The following ARB2A variants were observed in gnomAD, a reference collection of about 807,000 sequenced individuals.
ARB2A encodes the protein ARB2 cotranscriptional regulator A.
the ARB2A span, among the ~76,000 whole-genome samples, chr5:93,889,061 T>C: frequency 1.2e-3 from 181 of 151,730 alleles, 1 homozygote; most frequent in African/African-American, 4.3e-3. Context: ...CATATACAAA[T>C]TCCTAAAATG....
the ARB2A span, among the ~76,000 whole-genome samples, chr5:93,725,486 T>TTTATGCATAAA: frequency 6.6e-6 from 1 of 152,088 alleles, no homozygotes; most frequent in Admixed American, 6.6e-5. Flanking sequence ...ATAAACATAA[T>TTTATGCATAAA]TTATGCATAA....
chr5:93,898,310 A>G, the ARB2A span, among the ~76,000 whole-genome samples: 1 of 151,822 alleles, frequency 6.6e-6, no homozygotes, highest in African/African-American at 2.4e-5. Flanking sequence ...TGTGTAAATT[A>G]TTTAACAATT....
the ARB2A span, among the ~76,000 whole-genome samples, chr5:93,753,159 C>G: frequency 6.6e-6 from 1 of 152,132 alleles, no homozygotes; most frequent in East Asian, 1.9e-4. Context: ...TTAATTTGAG[C>G]TATGTCTAAA....
At chr5:93,888,604 C>T in the ARB2A span, among the ~76,000 whole-genome samples, 1 of 151,762 alleles carries the variant, frequency 6.6e-6, no homozygotes, top group African/African-American at 2.4e-5. Context: ...AGTTCTAAAA[C>T]ATTTCTGGTA....
the ARB2A span, among the ~76,000 whole-genome samples, chr5:93,782,686 G>A: frequency 1.4e-4 from 21 of 152,152 alleles, no homozygotes; most frequent in Non-Finnish European, 1.9e-4. Flanking sequence ...CTTTACATAC[G>A]TTATTTTCCA....
the ARB2A span, among the ~76,000 whole-genome samples, chr5:94,099,624 CAAAA>C: frequency 1.8e-3 from 24 of 13,646 alleles, no homozygotes; most frequent in South Asian, 6.4e-3. Flanking sequence ...GACTCCGTCT[CAAAA>C]AAAAAAAAAA....
At chr5:93,696,308 A>G in the ARB2A span, among the ~76,000 whole-genome samples, 1 of 152,058 alleles carries the variant, frequency 6.6e-6, no homozygotes, top group African/African-American at 2.4e-5. Flanking sequence ...TTTTGCTATT[A>G]CAAATGTTTA....
chr5:94,027,620 C>T, the ARB2A span, among the ~76,000 whole-genome samples: 3 of 152,130 alleles, frequency 2.0e-5, no homozygotes. Flanking sequence ...ATTAATGTAC[C>T]CCCAGCCAGT....
chr5:93,958,647 A>C, the ARB2A span: 1 of 626,934 alleles, frequency 1.6e-6, no homozygotes, highest in Non-Finnish European at 2.4e-6. Context: ...TCTTTCATAC[A>C]AGTAAAATAA....
At chr5:93,694,094 C>G in the ARB2A span, among the ~76,000 whole-genome samples, 2 of 152,130 alleles carry the variant, frequency 1.3e-5, no homozygotes, top group African/African-American at 4.8e-5. Flanking sequence ...ACTGAATGTG[C>G]AAAACTTGGA....
the ARB2A span, chr5:93,776,134 C>A: frequency 6.4e-7 from 1 of 1,555,666 alleles, no homozygotes; most frequent in Non-Finnish European, 8.7e-7. Context: ...CAACAGCAAT[C>A]ATATATCTCT....
At chr5:93,954,179 T>G in the ARB2A span, among the ~76,000 whole-genome samples, 1 of 152,076 alleles carries the variant, frequency 6.6e-6, no homozygotes, top group Non-Finnish European at 1.5e-5. Flanking sequence ...TCCCCCTGCT[T>G]TTCTCAAACA....
At chr5:93,848,926 A>G in the ARB2A span, among the ~76,000 whole-genome samples, 1 of 152,208 alleles carries the variant, frequency 6.6e-6, no homozygotes, top group African/African-American at 2.4e-5. Flanking sequence ...GGCTTTTGGC[A>G]GCACATGGGC....
the ARB2A span, among the ~76,000 whole-genome samples, chr5:93,794,056 C>A: frequency 6.6e-6 from 1 of 152,132 alleles, no homozygotes; most frequent in Non-Finnish European, 1.5e-5. Flanking sequence ...ATTGAAGGTG[C>A]AACTGAGTAG....
At chr5:94,097,438 G>C in the ARB2A span, among the ~76,000 whole-genome samples, 5 of 152,170 alleles carry the variant, frequency 3.3e-5, no homozygotes, top group African/African-American at 1.2e-4. Context: ...ATTCCCATGT[G>C]TTGTGGAAGG....
At chr5:93,974,218 T>G in the ARB2A span, among the ~76,000 whole-genome samples, 2 of 152,252 alleles carry the variant, frequency 1.3e-5, no homozygotes, top group South Asian at 4.1e-4. Flanking sequence ...AAGATCTTTC[T>G]CAAAGTAAAG....
the ARB2A span, among the ~76,000 whole-genome samples, chr5:94,072,646 T>C: frequency 3.3e-5 from 5 of 151,980 alleles, no homozygotes; most frequent in African/African-American, 1.2e-4. Context: ...GAGGACTAGA[T>C]ACAGAACATA....
At chr5:93,981,150 C>A in the ARB2A span, among the ~76,000 whole-genome samples, 3 of 151,558 alleles carry the variant, frequency 2.0e-5, no homozygotes, top group Non-Finnish European at 4.4e-5. Context: ...CTCACTGTAG[C>A]CTTGACCTCT....
At chr5:93,904,287 A>G in the ARB2A span, among the ~76,000 whole-genome samples, 2 of 151,896 alleles carry the variant, frequency 1.3e-5, no homozygotes, top group African/African-American at 4.8e-5. Flanking sequence ...CTTTCAATTA[A>G]CAGCTGACTA....
Sources: gnomAD v4.1 joint callset for allele counts (sites outside exome capture counted in the v4.1 genomes callset) on GRCh38, gnomAD v4.1.1 for gene constraint, MANE v1.5 for transcripts, NCBI Gene and HGNC (gene_info 2026-07-23, HGNC 2026-07-21) for gene names.